Variants in GABRB3 observed in about 807,000 individuals in gnomAD.
The protein encoded by GABRB3 is gamma-aminobutyric acid receptor subunit beta-3.
Under a neutral mutation model 52.1 loss-of-function variants are expected in GABRB3, and 14 were observed. That is an observed-to-expected ratio of 0.27 (90% CI 0.18 to 0.42). The LOEUF is 0.42. Among genes scored for constraint, GABRB3 ranks in the 10% least tolerant of loss-of-function variants. The probability of loss-of-function intolerance (pLI) is 1.00; values close to 1 mark genes in which losing one functional copy is unlikely to be tolerated. For synonymous variants in GABRB3, 260 were observed against 232.3 expected (o/e 1.12, Z -1.08); for missense variants, 307 against 609.1 (o/e 0.50, Z 5.22).
chr15:26,724,173 A>G (rs1595552739), intron 3 of GABRB3, among the ~76,000 whole-genome samples: 1 of 152,180 alleles, frequency 6.6e-6, no homozygotes, highest in African/African-American at 2.4e-5. Context: ...ATCTTCTAGA[A>G]ATGTCACTTG....
rs777756010 is a variant in GABRB3 at position 26,621,443 on chromosome 15, C to T, written c.332G>A (p.Arg111Gln). Residue 111 changes from arginine to glutamine, a missense_variant, in exon 4 of 9, where the codon CGA (arginine) becomes CAA (glutamine). Arg to Gln is a conservative substitution (Grantham distance 43). Around this residue, in one of 6 missense-constraint regions of GABRB3, gnomAD observed 31 missense variants for 71.2 expected, o/e 0.44. Transcript: ENST00000311550. The surrounding 1 kb of genome is among the most constrained non-coding windows in gnomAD (Gnocchi z 4.1). The part of the protein sequence containing the change: ...GIPLNLTLDN[R>Q]VADQLWVPDT... Reference sequence around the variant, plus strand: ...GGGCACCCATAGCTGGTCAGCCACTCGATTGTCAAGCGTGAGGTTGAGAGG... The same window carrying T: ...GGGCACCCATAGCTGGTCAGCCACTTGATTGTCAAGCGTGAGGTTGAGAGG... 3 of 1,614,060 alleles carry T rather than the reference C, an allele frequency of 1.9e-6. No homozygotes were observed. Among genetic ancestry groups the T allele is most frequent in the East Asian group, 2.2e-5 (1 of 44,868 alleles).
intron 3 of GABRB3, among the ~76,000 whole-genome samples, chr15:26,708,795 G>A (rs1263221409): frequency 6.6e-6 from 1 of 152,180 alleles, no homozygotes; most frequent in Non-Finnish European, 1.5e-5. Context: ...AAAGTTGTGT[G>A]ACCTTAGGCA....
chr15:26,631,781 A>G (rs1464206572), intron 3 of GABRB3, among the ~76,000 whole-genome samples: 1 of 152,190 alleles, frequency 6.6e-6, no homozygotes, highest in Non-Finnish European at 1.5e-5. Context: ...CTCTCCTCCC[A>G]CAACAGACTT....
intron 3 of GABRB3, among the ~76,000 whole-genome samples, chr15:26,756,477 C>T (rs1046582919): frequency 3.3e-5 from 5 of 151,906 alleles, no homozygotes; most frequent in Admixed American, 1.3e-4. Flanking sequence ...ACTCGGGAGC[C>T]TGAGGTGGGA....
At chr15:26,563,315 G>A (rs573461073) in intron 7 of GABRB3, among the ~76,000 whole-genome samples, 1 of 152,318 alleles carries the variant, frequency 6.6e-6, no homozygotes, top group South Asian at 2.1e-4. Context: ...CAGGCTGATT[G>A]GCACAGGCTC....
intron 3 of GABRB3, among the ~76,000 whole-genome samples, chr15:26,723,670 A>G (rs975572319): frequency 1.3e-5 from 2 of 152,120 alleles, no homozygotes; most frequent in Non-Finnish European, 2.9e-5. Context: ...TCCGTTGGAA[A>G]CCTGTATGTT....
At chr15:26,658,186 A>G (rs1241808417) in intron 3 of GABRB3, among the ~76,000 whole-genome samples, 1 of 152,158 alleles carries the variant, frequency 6.6e-6, no homozygotes, top group Non-Finnish European at 1.5e-5. Flanking sequence ...ACAAGAAGAC[A>G]GTTTTGGTCC....
intron 3 of GABRB3, among the ~76,000 whole-genome samples, chr15:26,642,780 CATTT>C (rs1304445763): frequency 1.3e-5 from 2 of 152,190 alleles, no homozygotes; most frequent in Non-Finnish European, 2.9e-5. Flanking sequence ...TAAATGAATT[CATTT>C]ATTTATGAAC....
chr15:26,674,445 A>AGGAAG, intron 3 of GABRB3, among the ~76,000 whole-genome samples: 1 of 123,282 alleles, frequency 8.1e-6, no homozygotes, highest in Non-Finnish European at 1.9e-5. Flanking sequence ...AGGAAAGGAA[A>AGGAAG]GGAAAGGAAA....
At chr15:26,722,824 TC>T (rs1284489208) in intron 3 of GABRB3, among the ~76,000 whole-genome samples, 1 of 152,118 alleles carries the variant, frequency 6.6e-6, no homozygotes, top group Non-Finnish European at 1.5e-5. Flanking sequence ...TCGTTCTGGC[TC>T]CCCGTGCCAT....
intron 3 of GABRB3, among the ~76,000 whole-genome samples, chr15:26,750,769 G>C (rs1462950381): frequency 6.6e-6 from 1 of 152,138 alleles, no homozygotes; most frequent in Non-Finnish European, 1.5e-5. Flanking sequence ...ATGAAAGCCT[G>C]TAAAAAAACC....
At chr15:26,719,271 C>A (rs1236501549) in intron 3 of GABRB3, among the ~76,000 whole-genome samples, 1 of 152,238 alleles carries the variant, frequency 6.6e-6, no homozygotes, top group Admixed American at 6.5e-5. Context: ...AAGGAACGAC[C>A]CTGCTCAGCA....
At chr15:26,564,867 C>G (rs529320200) in intron 7 of GABRB3, among the ~76,000 whole-genome samples, 2 of 152,266 alleles carry the variant, frequency 1.3e-5, no homozygotes, top group African/African-American at 4.8e-5. Flanking sequence ...GACCAAATAA[C>G]TCTTTACTGT....
At chr15:26,579,215 C>T (rs1424542913) in intron 6 of GABRB3, among the ~76,000 whole-genome samples, 2 of 152,328 alleles carry the variant, frequency 1.3e-5, no homozygotes, top group African/African-American at 4.8e-5. Flanking sequence ...GGATGAACCA[C>T]GCATGACTGA....
At chr15:26,552,627 C>A (rs1889519679) in intron 8 of GABRB3, among the ~76,000 whole-genome samples, 1 of 152,170 alleles carries the variant, frequency 6.6e-6, no homozygotes, top group African/African-American at 2.4e-5. Context: ...CCTGAACCTG[C>A]CCTGGATGCT....
intron 7 of GABRB3, among the ~76,000 whole-genome samples, chr15:26,563,484 T>G (rs193211404): frequency 2.2e-4 from 33 of 152,306 alleles, no homozygotes; most frequent in Middle Eastern, 3.4e-3. Flanking sequence ...TGGTGTGTTG[T>G]GGTGGTCCAC....
chr15:26,646,961 A>G (rs1003145065), intron 3 of GABRB3, among the ~76,000 whole-genome samples: 1 of 152,148 alleles, frequency 6.6e-6, no homozygotes, highest in Non-Finnish European at 1.5e-5. Context: ...CTCCTGCCTC[A>G]GCCTCCCGAG....
rs1566783323 is a variant in GABRB3, at chr15:26,629,258, A to AGGGAGGAGGCGTGGTCTGTGGCTCGAGG, written c.241-7752_241-7725dup. The AGGGAGGAGGCGTGGTCTGTGGCTCGAGG allele has an allele frequency of 3.3e-6, 4 of 1,221,086 alleles. No homozygotes were observed. The African/African-American group carries it at 6.1e-5, about 19-fold the overall frequency. 75.6% of individuals were successfully genotyped at this position (1,221,086 alleles called of 1,614,324 possible). On this transcript the variant is annotated intron_variant, in intron 3 of 8. Coordinates refer to ENST00000311550, the MANE Select transcript of GABRB3 (RefSeq NM_000814.6). Reference sequence around the variant, plus strand: ...GGCAGCGCGGAAGCTTGGCCCCGAGAGGGAGGAGGCGTGGTCTGTGGCTCG... The same window carrying AGGGAGGAGGCGTGGTCTGTGGCTCGAGG: ...GGCAGCGCGGAAGCTTGGCCCCGAGAGGGAGGAGGCGTGGTCTGTGGCTCGAGGGGGAGGAGGCGTGGTCTGTGGCTCG...
chr15:26,641,680 A>G (rs73368376), intron 3 of GABRB3, among the ~76,000 whole-genome samples: 28,171 of 152,110 alleles, frequency 0.19, 2,856 homozygotes, highest in African/African-American at 0.28. Context: ...ACACTACTCT[A>G]CCAGTTCATG....
Sources: gnomAD v4.1 joint callset for allele counts (sites outside exome capture counted in the v4.1 genomes callset) on GRCh38, gnomAD v4.1.1 for gene constraint, gnomAD v4.1.1 regional missense constraint, Gnocchi (gnomAD v3.1) non-coding constraint, MANE v1.5 for transcripts, NCBI Gene and HGNC (gene_info 2026-07-23, HGNC 2026-07-21) for gene names.